Variants in CLIC4 observed in about 807,000 individuals in gnomAD.
CLIC4 encodes the protein chloride intracellular channel protein 4.
CLIC4 carries 13 observed loss-of-function variants against 24.6 expected under a neutral mutation model. That is an observed-to-expected ratio of 0.53 (90% CI 0.34 to 0.84). The LOEUF (loss-of-function observed/expected upper bound fraction) is 0.84. CLIC4 is among the 40% of genes least tolerant of loss of function. The probability of loss-of-function intolerance (pLI) is 0.01; values close to 1 mark genes in which losing one functional copy is unlikely to be tolerated. For missense variants in CLIC4, 227 were observed against 301.7 expected (o/e 0.75, Z 1.83); for synonymous variants, 104 against 111.3 (o/e 0.93, Z 0.41).
At chr1:24,769,495 C>G (rs971526348) in intron 1 of CLIC4, among the ~76,000 whole-genome samples, 5 of 152,142 alleles carry the variant, frequency 3.3e-5, no homozygotes, top group African/African-American at 9.7e-5. Flanking sequence ...AGTAGCAGTA[C>G]TGTGATTTGT....
intron 1 of CLIC4, among the ~76,000 whole-genome samples, chr1:24,753,003 G>A (rs1638795836): frequency 6.6e-6 from 1 of 152,214 alleles, no homozygotes; most frequent in Non-Finnish European, 1.5e-5. Context: ...TTACAGGCGT[G>A]AGCCACCGCG....
At chr1:24,839,282 A>T (rs1363777971) in intron 4 of CLIC4, among the ~76,000 whole-genome samples, 1 of 152,104 alleles carries the variant, frequency 6.6e-6, no homozygotes, top group African/African-American at 2.4e-5. Flanking sequence ...ATTTGTGTTC[A>T]TGTGTGGGAC....
intron 1 of CLIC4, among the ~76,000 whole-genome samples, chr1:24,788,441 A>G (rs906642415): frequency 6.6e-6 from 1 of 152,206 alleles, no homozygotes; most frequent in African/African-American, 2.4e-5. Flanking sequence ...TATAAATGGT[A>G]TCATATTCAG....
chr1:24,763,739 C>T (rs1638958516), intron 1 of CLIC4, among the ~76,000 whole-genome samples: 1 of 151,996 alleles, frequency 6.6e-6, no homozygotes, highest in Admixed American at 6.6e-5. Flanking sequence ...TCTTCCATTC[C>T]CATTTGTTTA....
intron 2 of CLIC4, among the ~76,000 whole-genome samples, chr1:24,799,628 GC>G (rs1639454177): frequency 7.4e-6 from 1 of 135,438 alleles, no homozygotes. Context: ...CCGGCCAGCC[GC>G]CCCGTCGGGG....
At chr1:24,748,877 C>T (rs3131500) in intron 1 of CLIC4, among the ~76,000 whole-genome samples, 3,737 of 151,970 alleles carry the variant, frequency 0.025, 126 homozygotes, top group African/African-American at 0.083. Context: ...TTCTCAAAAC[C>T]TACGTGTGGG....
chr1:24,831,454 A>G (rs1290526734), intron 4 of CLIC4, among the ~76,000 whole-genome samples: 7 of 152,294 alleles, frequency 4.6e-5, no homozygotes, highest in African/African-American at 9.6e-5. Flanking sequence ...GAGCAGGTCT[A>G]AGGTTAAACA....
chr1:24,796,491 A>G (rs1639403927), intron 1 of CLIC4, among the ~76,000 whole-genome samples: 1 of 152,050 alleles, frequency 6.6e-6, no homozygotes, highest in African/African-American at 2.4e-5. Context: ...CCAGCTTATA[A>G]TTCGTATTTT....
chr1:24,813,983 C>CT, intron 2 of CLIC4, 111 bp from the exon 3 acceptor site: 1 of 1,252,114 alleles, frequency 8.0e-7, no homozygotes, highest in Non-Finnish European at 1.2e-6. Context: ...TCCTGTAGTG[C>CT]TACGACTACA....
intron 2 of CLIC4, among the ~76,000 whole-genome samples, chr1:24,805,296 A>G (rs962993862): frequency 3.3e-5 from 5 of 152,176 alleles, no homozygotes; most frequent in Non-Finnish European, 7.4e-5. Context: ...ATTCTTAGTG[A>G]CAAGGGGTCT....
chr1:24,770,480 T>C (rs1435178654), intron 1 of CLIC4, among the ~76,000 whole-genome samples: 4 of 152,178 alleles, frequency 2.6e-5, no homozygotes, highest in African/African-American at 7.2e-5. Context: ...TGCTTTTGGA[T>C]CTGTTTTTTC....
At chr1:24,798,660 C>T (rs1421499560) in intron 2 of CLIC4, among the ~76,000 whole-genome samples, 1 of 151,322 alleles carries the variant, frequency 6.6e-6, no homozygotes, top group African/African-American at 2.5e-5. Flanking sequence ...GTGTCCCTCT[C>T]TTTCCACGGT....
chr1:24,791,688 C>T (rs866314581), intron 1 of CLIC4, among the ~76,000 whole-genome samples: 9 of 152,040 alleles, frequency 5.9e-5, no homozygotes, highest in African/African-American at 1.2e-4. Flanking sequence ...CCAGCCTGAC[C>T]GACATGGTGA....
intron 2 of CLIC4, among the ~76,000 whole-genome samples, chr1:24,812,569 G>GT (rs1002585836): frequency 1.1e-4 from 17 of 151,806 alleles, no homozygotes; most frequent in African/African-American, 3.6e-4. Context: ...TCTCTAATGA[G>GT]TGACTTAGTT....
intron 3 of CLIC4, among the ~76,000 whole-genome samples, chr1:24,820,910 G>A (rs1331030145): frequency 2.0e-5 from 3 of 152,108 alleles, no homozygotes; most frequent in East Asian, 3.9e-4. Context: ...TGGGCTGGGC[G>A]CGGTGGCTCA....
chr1:24,780,128 A>G (rs1471529713), intron 1 of CLIC4, among the ~76,000 whole-genome samples: 2 of 152,170 alleles, frequency 1.3e-5, no homozygotes, highest in African/African-American at 2.4e-5. Flanking sequence ...ATGCTGGACA[A>G]TATTTTAAGA....
chr1:24,840,141 C>A, intron 5 of CLIC4, 100 bp downstream of exon 5: 1 of 1,162,084 alleles, frequency 8.6e-7, no homozygotes, highest in Non-Finnish European at 1.2e-6. Context: ...TTTTATATGA[C>A]TAGTTGTTTA....
intron 1 of CLIC4, among the ~76,000 whole-genome samples, chr1:24,758,638 G>A (rs1475463793): frequency 2.0e-5 from 3 of 151,946 alleles, no homozygotes; most frequent in Non-Finnish European, 4.4e-5. Flanking sequence ...TGTATTTTTA[G>A]TAGAGACAGG....
chr1:24,792,764 G>A (rs1411038723), intron 1 of CLIC4, among the ~76,000 whole-genome samples: 1 of 152,206 alleles, frequency 6.6e-6, no homozygotes, highest in Non-Finnish European at 1.5e-5. Flanking sequence ...TGAAACAAAA[G>A]TAAATTGAGA....
Sources: allele counts gnomAD v4.1 joint callset (sites outside exome capture counted in the v4.1 genomes callset), GRCh38; gene constraint gnomAD v4.1.1; transcripts MANE v1.5; gene names NCBI Gene and HGNC (gene_info 2026-07-23, HGNC 2026-07-21).